HPF1: variants seen among roughly 807,000 people sequenced by gnomAD.
HPF1 encodes histone PARylation factor 1, also known as UPF0609 protein C4orf27.
HPF1 carries 35 observed loss-of-function variants against 38.8 expected under a neutral mutation model. The ratio of observed to expected loss-of-function variants is 0.90; its 90% CI spans 0.69 to 1.19. HPF1 has a LOEUF of 1.19. Ranked by LOEUF, HPF1 falls within the 50% of genes most tolerant of loss-of-function variation. The pLI, the probability that HPF1 is intolerant of heterozygous loss-of-function variation, is 0.00. For synonymous variants in HPF1, 115 were observed against 139.2 expected (o/e 0.83, Z 1.22); for missense variants, 367 against 405.8 (o/e 0.90, Z 0.82).
chr4:169,747,221 G>A (rs1734061025), intron 4 of HPF1, among the ~76,000 whole-genome samples: 2 of 151,114 alleles, frequency 1.3e-5, no homozygotes, highest in East Asian at 3.9e-4. Flanking sequence ...AAAACAACAA[G>A]AGTTTCTAAT....
intron 5 of HPF1, among the ~76,000 whole-genome samples, chr4:169,739,134 A>G (rs1316159241): frequency 6.6e-6 from 1 of 152,266 alleles, no homozygotes; most frequent in Non-Finnish European, 1.5e-5. Flanking sequence ...AATTTAAAGC[A>G]TAATAAATAA....
At chr4:169,741,218 G>GT (rs1431448037) in intron 5 of HPF1, among the ~76,000 whole-genome samples, 1 of 152,196 alleles carries the variant, frequency 6.6e-6, no homozygotes, top group Non-Finnish European at 1.5e-5. Flanking sequence ...ACCAGTGCTA[G>GT]TTTATTAAGG....
intron 5 of HPF1, among the ~76,000 whole-genome samples, chr4:169,740,094 A>C (rs1235485909): frequency 8.5e-5 from 13 of 152,220 alleles, no homozygotes; most frequent in African/African-American, 2.4e-4. Flanking sequence ...GCATGGGATC[A>C]CAGGTGGATG....
At chr4:169,745,333 G>C (rs1452341435) in intron 4 of HPF1, among the ~76,000 whole-genome samples, 1 of 152,204 alleles carries the variant, frequency 6.6e-6, no homozygotes, top group African/African-American at 2.4e-5. Context: ...TCAGGGAAGG[G>C]AAAAGTGTGC....
chr4:169,737,950 C>T (rs527356922), intron 5 of HPF1, among the ~76,000 whole-genome samples: 1 of 144,616 alleles, frequency 6.9e-6, no homozygotes, highest in East Asian at 2.1e-4. Flanking sequence ...GAAGTAATCA[C>T]AGAACAGTGA....
chr4:169,740,214 GA>G (rs1733952476), intron 5 of HPF1, among the ~76,000 whole-genome samples: 1 of 152,154 alleles, frequency 6.6e-6, no homozygotes, highest in Non-Finnish European at 1.5e-5. Context: ...AGATGGGGTG[GA>G]AAGAATGCTA....
At position 169,753,792 on chromosome 4, in the gene HPF1, GCTTCACAGAATTTA is replaced by G. The variant is rs755003026; in HGVS notation, c.78_91del (p.Lys27Ter). The G allele has an allele frequency of 8.3e-5, 133 of 1,611,308 alleles. 4 individuals are homozygous for G. The South Asian group carries it at 1.4e-3, about 17-fold the overall frequency. On this transcript the variant is annotated frameshift_variant, in exon 2 of 8. Coordinates refer to ENST00000393381, the MANE Select transcript of HPF1 (RefSeq NM_017867.3). LOFTEE classifies it high-confidence loss of function. ...TTTTCGAAGGTCACTGGAGACATCA[GCTTCACAGAATTTA>G]CTTTTCTTCACATCAGTTGTTTTTT... is the stretch of plus-strand genomic sequence containing the variant.
In HPF1 at chr4:169,737,728, T is replaced by C. The variant is rs150130158; in HGVS notation, c.668A>G (p.His223Arg). The C allele has an allele frequency of 1.2e-3, 1,938 of 1,611,684 alleles. 1 individual carries two copies. The highest frequency in any genetic ancestry group is 1.5e-3 in the Non-Finnish European group (1,788 of 1,178,168). ...RDKKVVTKTFHGAGLVVPVDK... is the reference protein window; with the variant it reads ...RDKKVVTKTFRGAGLVVPVDK... Reference sequence around the variant, plus strand: ...TACTGGAACAACCAAGCCTGCACCATGAAAGGTCTTTGTCACAACCTACAT... The same window carrying C: ...TACTGGAACAACCAAGCCTGCACCACGAAAGGTCTTTGTCACAACCTACAT... Residue 223 changes from histidine (H) to arginine (R), a missense_variant, in exon 6 of 8, where the codon CAT becomes CGT. By Grantham distance (29) the His-to-Arg change is conservative. Coordinates refer to ENST00000393381, the MANE Select transcript of HPF1 (RefSeq NM_017867.3).
intron 4 of HPF1, among the ~76,000 whole-genome samples, chr4:169,746,601 T>C (rs1047977837): frequency 6.6e-6 from 1 of 152,094 alleles, no homozygotes; most frequent in Non-Finnish European, 1.5e-5. Flanking sequence ...GATTTAATAA[T>C]AACTAAAGAT....
intron 5 of HPF1, among the ~76,000 whole-genome samples, chr4:169,739,672 T>TGA (rs997545204): frequency 7.2e-5 from 11 of 152,130 alleles, no homozygotes; most frequent in Admixed American, 3.3e-4. Context: ...CAGATAAGTA[T>TGA]GAGAATAAAG....
At chr4:169,739,622 T>C (rs1733940341) in intron 5 of HPF1, among the ~76,000 whole-genome samples, 1 of 152,104 alleles carries the variant, frequency 6.6e-6, no homozygotes, top group Non-Finnish European at 1.5e-5. Context: ...ACTTTGGACC[T>C]GGCAATACTA....
At chr4:169,737,289 CA>C (rs35524684) in intron 6 of HPF1, among the ~76,000 whole-genome samples, 8,533 of 108,422 alleles carry the variant, frequency 0.079, 313 homozygotes, top group African/African-American at 0.18. Flanking sequence ...CACTCCGTCT[CA>C]AAAAAAAAAA....
intron 7 of HPF1, among the ~76,000 whole-genome samples, chr4:169,730,391 T>TC (rs996735103): frequency 1.3e-5 from 2 of 152,238 alleles, no homozygotes; most frequent in Non-Finnish European, 2.9e-5. Flanking sequence ...CTAGGGCCTC[T>TC]CTAGCAGGTC....
Position 169,732,315 on chromosome 4 carries a change from AT to A in HPF1, c.737-440del, listed in dbSNP as rs569006078. 6.8e-3 allele frequency among the ~76,000 whole-genome samples: 1,033 copies of A among 152,042 alleles called. 5 individuals carry two copies. Among genetic ancestry groups the A allele is most frequent in the Non-Finnish European group, 0.012 (817 of 67,980 alleles). On this transcript the variant is annotated intron_variant, in intron 6 of 7. Transcript: ENST00000393381. ...GCCACCACGCCCAGCTAATATTTGT[AT>A]TTTTAGTAGAGACGGGATTTCACCA...
intron 2 of HPF1, among the ~76,000 whole-genome samples, chr4:169,751,861 T>TC (rs1734123205): frequency 2.0e-5 from 3 of 152,212 alleles, no homozygotes; most frequent in Non-Finnish European, 4.4e-5. Context: ...CAGTTAATAG[T>TC]CTATTATACA....
chr4:169,756,952 G>T (rs1472415774), intron 1 of HPF1, among the ~76,000 whole-genome samples: 1 of 152,160 alleles, frequency 6.6e-6, no homozygotes, highest in South Asian at 2.1e-4. Flanking sequence ...CAATATGAAG[G>T]ATGCCTATAC....
Position 169,753,851 on chromosome 4 carries a change from C to T in HPF1, c.49-16G>A. The T allele has an allele frequency of 1.9e-6, 3 of 1,600,368 alleles. No individual in the cohort carries two copies. Among genetic ancestry groups the T allele is most frequent in the Non-Finnish European group, 2.6e-6 (3 of 1,174,604 alleles). On this transcript the variant is annotated splice_polypyrimidine_tract_variant and intron_variant, in intron 1 of 7. Coordinates refer to ENST00000393381, the MANE Select transcript of HPF1 (RefSeq NM_017867.3). Reference sequence around the variant, plus strand: ...TTTTTTCACACTGAAAATTGGCACACAAACTTTAGTTCTCCAAATTTCAGT... The same window carrying T: ...TTTTTTCACACTGAAAATTGGCACATAAACTTTAGTTCTCCAAATTTCAGT...
intron 5 of HPF1, among the ~76,000 whole-genome samples, chr4:169,739,195 T>C (rs1264364008): frequency 6.6e-6 from 1 of 152,160 alleles, no homozygotes; most frequent in Non-Finnish European, 1.5e-5. Context: ...AATAATTTTG[T>C]GATAGAGAAG....
At chr4:169,747,695 C>T (rs1038899534) in intron 4 of HPF1, among the ~76,000 whole-genome samples, 3 of 152,190 alleles carry the variant, frequency 2.0e-5, no homozygotes, top group African/African-American at 7.2e-5. Flanking sequence ...CTGCATTTCC[C>T]ATACTACTCT....
Sources: gnomAD v4.1 joint callset for allele counts (sites outside exome capture counted in the v4.1 genomes callset) on GRCh38, gnomAD v4.1.1 for gene constraint, MANE v1.5 for transcripts, NCBI Gene and HGNC (gene_info 2026-07-23, HGNC 2026-07-21) for gene names.